Variants in C1D observed in about 807,000 individuals in gnomAD.
The protein encoded by C1D is C1D nuclear receptor corepressor, also known as nuclear nucleic acid-binding protein C1D.
In C1D, 10 loss-of-function variants were observed where a neutral mutation model predicts 17.5. The ratio of observed to expected loss-of-function variants is 0.57; its 90% CI spans 0.35 to 0.97. The LOEUF is 0.97. Among genes scored for constraint, C1D ranks in the 50% least tolerant of loss-of-function variants. C1D has a pLI of 0.01. For missense variants in C1D, 136 were observed against 160.1 expected, an observed-to-expected ratio of 0.85 and a Z score of 0.81; for synonymous variants, 49 against 54.0, an observed-to-expected ratio of 0.91 and a Z score of 0.40.
intron 1 of C1D, among the ~76,000 whole-genome samples, chr2:68,059,504 C>G (rs72906862): frequency 0.12 from 18,049 of 152,202 alleles, 1,207 homozygotes; most frequent in South Asian, 0.21. Flanking sequence ...TTCCTCTGCT[C>G]CCAAGGTTCT....
chr2:68,059,076 G>T (rs1671543689), intron 1 of C1D, among the ~76,000 whole-genome samples: 1 of 152,186 alleles, frequency 6.6e-6, no homozygotes, highest in Non-Finnish European at 1.5e-5. Flanking sequence ...TCCCAGTTCT[G>T]CAGGCTACAC....
chr2:68,048,934 C>T (rs531924812), intron 1 of C1D, among the ~76,000 whole-genome samples: 15 of 152,234 alleles, frequency 9.9e-5, no homozygotes, highest in Non-Finnish European at 2.2e-4. Context: ...CGGTGGCTCC[C>T]GCTATAATCC....
At chr2:68,046,140 AC>A in intron 3 of C1D, 97 bp from the exon 4 acceptor site, 1 of 936,848 alleles carries the variant, frequency 1.1e-6, no homozygotes, top group African/African-American at 1.7e-5. Flanking sequence ...GGAAAGTCCT[AC>A]AAACAATTAA....
intron 1 of C1D, among the ~76,000 whole-genome samples, chr2:68,057,654 C>T (rs1671477554): frequency 6.6e-6 from 1 of 152,084 alleles, no homozygotes; most frequent in Non-Finnish European, 1.5e-5. Flanking sequence ...AAATATGTAA[C>T]ATATTATAAT....
intron 1 of C1D, among the ~76,000 whole-genome samples, chr2:68,062,696 G>A (rs753548515): frequency 6.6e-6 from 1 of 152,128 alleles, no homozygotes; most frequent in Non-Finnish European, 1.5e-5. Flanking sequence ...CGAAGAAAAA[G>A]AGAGAGACCG....
At chr2:68,053,864 G>A (rs546157877) in intron 1 of C1D, among the ~76,000 whole-genome samples, 12 of 152,190 alleles carry the variant, frequency 7.9e-5, no homozygotes, top group Admixed American at 6.5e-4. Flanking sequence ...TTTTTCAAAC[G>A]CTGCTTATCT....
At chr2:68,062,570 C>T (rs1234799687) in intron 1 of C1D, among the ~76,000 whole-genome samples, 2 of 152,164 alleles carry the variant, frequency 1.3e-5, no homozygotes, top group Non-Finnish European at 2.9e-5. Flanking sequence ...TCCACTTTAG[C>T]CTCTCTCCCT....
intron 1 of C1D, among the ~76,000 whole-genome samples, chr2:68,056,706 C>T (rs1311651289): frequency 1.3e-5 from 2 of 152,022 alleles, no homozygotes; most frequent in Non-Finnish European, 2.9e-5. Flanking sequence ...ACATAAATCG[C>T]TAAAATATGA....
In C1D at chr2:68,042,551, T is replaced by TA. The variant is rs1302401388; in HGVS notation, c.*337dup. On this transcript the variant is annotated 3_prime_UTR_variant, in exon 5 of 5. Transcript: ENST00000410067. ...ATACTTCATAAGGTCATTATTCATT[T>TA]AAAATAGTACAAATGTTTACAAAGA... 1 of 172,240 alleles carries TA rather than the reference T, an allele frequency of 5.8e-6. No individual in the cohort carries two copies. Among genetic ancestry groups the TA allele is most frequent in the Non-Finnish European group, 1.3e-5 (1 of 79,742 alleles). The allele number at this position is 172,240 out of a possible 1,614,324, so 10.7% of individuals were successfully genotyped here.
intron 1 of C1D, among the ~76,000 whole-genome samples, chr2:68,048,159 T>G (rs538105338): frequency 3.3e-5 from 5 of 152,322 alleles, no homozygotes; most frequent in Admixed American, 2.0e-4. Flanking sequence ...TCATTTGTGC[T>G]AGTGCATACT....
At chr2:68,057,802 A>C (rs911300486) in intron 1 of C1D, among the ~76,000 whole-genome samples, 1 of 152,172 alleles carries the variant, frequency 6.6e-6, no homozygotes, top group African/African-American at 2.4e-5. Flanking sequence ...CCACTGTTAC[A>C]TTCAAAGAAC....
chr2:68,044,490 C>T (rs59695864), intron 4 of C1D, among the ~76,000 whole-genome samples: 17,033 of 152,196 alleles, frequency 0.11, 1,057 homozygotes, highest in South Asian at 0.21. Context: ...GGGCAGATCA[C>T]GAGGTCAGGA....
At chr2:68,043,078 T>A in intron 4 of C1D, 25 bp from the exon 5 acceptor site, 12 of 1,537,554 alleles carry the variant, frequency 7.8e-6, no homozygotes, top group Non-Finnish European at 1.1e-5. Flanking sequence ...ACAAAGGCAA[T>A]AGATTTACTA....
rs567632104 is a variant in C1D at position 68,046,430 on chromosome 2, G to A, written c.139-20C>T. On this transcript the variant is annotated intron_variant, in intron 2 of 4. Coordinates refer to ENST00000410067, the MANE Select transcript of C1D (RefSeq NM_173177.3). Reference sequence around the variant, plus strand: ...ATCCAACTGTTAAAAAAGAAAGAGAGAGGGAAAGAGAGAAAGTGAGACAGA... The same window carrying A: ...ATCCAACTGTTAAAAAAGAAAGAGAAAGGGAAAGAGAGAAAGTGAGACAGA... The A allele has an allele frequency of 3.2e-6, 5 of 1,567,674 alleles. No individual in the cohort carries two copies. In the East Asian group the frequency reaches 9.0e-5, roughly 28 times the overall value.
intron 1 of C1D, chr2:68,053,319 G>A: frequency 1.9e-6 from 2 of 1,071,836 alleles, no homozygotes; most frequent in Non-Finnish European, 2.6e-6. Context: ...ACCGATAGGA[G>A]AAAACAAGAG....
At chr2:68,053,908 T>C (rs1202804805) in intron 1 of C1D, among the ~76,000 whole-genome samples, 1 of 152,166 alleles carries the variant, frequency 6.6e-6, no homozygotes, top group African/African-American at 2.4e-5. Flanking sequence ...GTTCGGCCAG[T>C]GAAGACTTCT....
At chr2:68,055,872 A>T (rs1251585354) in intron 1 of C1D, among the ~76,000 whole-genome samples, 1 of 152,236 alleles carries the variant, frequency 6.6e-6, no homozygotes, top group Non-Finnish European at 1.5e-5. Flanking sequence ...CTAACTCACA[A>T]ACTAGCTTTT....
intron 1 of C1D, among the ~76,000 whole-genome samples, chr2:68,058,719 T>C (rs997292177): frequency 6.6e-6 from 1 of 152,192 alleles, no homozygotes; most frequent in African/African-American, 2.4e-5. Context: ...TCTATTCCTC[T>C]AACCCTTCCA....
intron 1 of C1D, 94 bp from the exon 2 acceptor site, chr2:68,047,413 CA>C: frequency 1.1e-6 from 1 of 892,200 alleles, no homozygotes; most frequent in Non-Finnish European, 1.6e-6. Flanking sequence ...TCATGTATTT[CA>C]AAGGCACTAA....
Sources: allele counts gnomAD v4.1 joint callset (sites outside exome capture counted in the v4.1 genomes callset), GRCh38; gene constraint gnomAD v4.1.1; transcripts MANE v1.5; gene names NCBI Gene and HGNC (gene_info 2026-07-23, HGNC 2026-07-21).